SGCD: variants seen among roughly 807,000 people sequenced by gnomAD.
SGCD encodes sarcoglycan delta, also known as delta-sarcoglycan.
A neutral mutation model predicts 36.6 loss-of-function variants in SGCD; 18 were observed. The ratio of observed to expected loss-of-function variants is 0.49; its 90% CI spans 0.34 to 0.73. The LOEUF is 0.73. Ranked by LOEUF, SGCD falls within the 30% of genes least tolerant of loss-of-function variation. The pLI is 0.01. For synonymous variants in SGCD, 133 were observed against 130.6 expected, an observed-to-expected ratio of 1.02 and a Z score of -0.12; for missense variants, 387 against 346.7, an observed-to-expected ratio of 1.12 and a Z score of -0.92.
the SGCD span, among the ~76,000 whole-genome samples, chr5:155,800,623 G>A: frequency 2.0e-5 from 3 of 151,706 alleles, no homozygotes; most frequent in African/African-American, 4.8e-5. Flanking sequence ...AGATTTTACC[G>A]GAATGTGGCT....
intron 1 of SGCD, among the ~76,000 whole-genome samples, chr5:156,072,115 A>C (rs1174979235): frequency 6.6e-6 from 1 of 152,024 alleles, no homozygotes; most frequent in Non-Finnish European, 1.5e-5. Flanking sequence ...TAATTGGAGC[A>C]TTTAGTCCAT....
chr5:156,531,612 T>C (rs748287140), intron 4 of SGCD, among the ~76,000 whole-genome samples: 7 of 152,178 alleles, frequency 4.6e-5, no homozygotes, highest in Non-Finnish European at 1.0e-4. Flanking sequence ...ATTGATTATA[T>C]GGTAAAGCTG....
At chr5:156,285,431 C>T (rs1038845860) in intron 3 of SGCD, among the ~76,000 whole-genome samples, 13 of 152,142 alleles carry the variant, frequency 8.5e-5, no homozygotes, top group Admixed American at 3.3e-4. Context: ...CAATACTACA[C>T]GGCTACAGTA....
intron 3 of SGCD, among the ~76,000 whole-genome samples, chr5:156,126,929 G>A (rs1762186091): frequency 6.6e-6 from 1 of 152,136 alleles, no homozygotes; most frequent in Non-Finnish European, 1.5e-5. Context: ...AAACTTCTTG[G>A]AGAAAGGTCC....
chr5:156,027,335 T>C (rs4704934), intron 1 of SGCD, among the ~76,000 whole-genome samples: 29,518 of 152,056 alleles, frequency 0.19, 3,585 homozygotes, highest in Admixed American at 0.35. Flanking sequence ...AACAACTTGG[T>C]ATGAAGAAAG....
chr5:156,423,446 TTTA>T (rs1236479386), intron 3 of SGCD, among the ~76,000 whole-genome samples: 3 of 128,240 alleles, frequency 2.3e-5, no homozygotes, highest in South Asian at 2.2e-4. Context: ...ATATATTTAT[TTTA>T]TTATAATATA....
chr5:155,752,266 A>G, the SGCD span, among the ~76,000 whole-genome samples: 1 of 152,194 alleles, frequency 6.6e-6, no homozygotes, highest in African/African-American at 2.4e-5. Flanking sequence ...TGCATGCTAG[A>G]ACTCTTCCAA....
chr5:155,900,593 G>T (rs201801052), intron 1 of SGCD, among the ~76,000 whole-genome samples: 14 of 84,644 alleles, frequency 1.7e-4, no homozygotes, highest in East Asian at 3.4e-4. Flanking sequence ...CTCCACAACA[G>T]TCCCCAGAGT....
At chr5:156,374,149 C>CA (rs34872468) in intron 3 of SGCD, among the ~76,000 whole-genome samples, 4,612 of 140,662 alleles carry the variant, frequency 0.033, 177 homozygotes, top group African/African-American at 0.093. Flanking sequence ...GTTCAAAATA[C>CA]AAAAAAAAAA....
At chr5:156,111,934 A>T (rs1761797916) in intron 1 of SGCD, among the ~76,000 whole-genome samples, 1 of 152,102 alleles carries the variant, frequency 6.6e-6, no homozygotes, top group South Asian at 2.1e-4. Flanking sequence ...ACGTGCTGCC[A>T]TGCCCAGCTA....
intron 7 of SGCD, among the ~76,000 whole-genome samples, chr5:156,728,376 G>A (rs1490935298): frequency 6.6e-6 from 1 of 151,816 alleles, no homozygotes; most frequent in Non-Finnish European, 1.5e-5. Flanking sequence ...GCCGAGTGTG[G>A]TGGCAATGCC....
chr5:156,706,398 G>A (rs1375577783), intron 7 of SGCD, among the ~76,000 whole-genome samples: 1 of 151,964 alleles, frequency 6.6e-6, no homozygotes, highest in African/African-American at 2.4e-5. Flanking sequence ...CCTGATTTTT[G>A]ATCATTGGTC....
At chr5:156,691,013 C>T (rs1754084900) in intron 7 of SGCD, among the ~76,000 whole-genome samples, 1 of 151,870 alleles carries the variant, frequency 6.6e-6, no homozygotes, top group Non-Finnish European at 1.5e-5. Context: ...TCAAGACCAA[C>T]CTGGCCAACA....
chr5:156,006,958 T>C (rs867572901), intron 1 of SGCD, among the ~76,000 whole-genome samples: 1 of 152,216 alleles, frequency 6.6e-6, no homozygotes, highest in Middle Eastern at 3.2e-3. Context: ...TTTTCTTTTC[T>C]GTTTCTGCTC....
intron 1 of SGCD, among the ~76,000 whole-genome samples, chr5:156,097,230 G>A (rs1467243197): frequency 1.3e-5 from 2 of 151,814 alleles, no homozygotes; most frequent in Non-Finnish European, 1.5e-5. Context: ...TCATAGATCT[G>A]TAGTTTGTAT....
Position 156,001,683 on chromosome 5 carries a change from G to T in SGCD, c.-281-116195G>T, listed in dbSNP as rs189291368. ...TTCTATTAGATAAATGCGTTTTTTT[G>T]GCCAGAGAAATTACATTTTAAGTGA... On this transcript the variant is annotated intron_variant, in intron 1 of 9. Coordinates refer to the SGCD transcript ENST00000517913. Among the ~76,000 whole-genome samples, 63 of 152,062 alleles carry T rather than the reference G, an allele frequency of 4.1e-4. 1 individual carries two copies. The highest frequency in any genetic ancestry group is 1.5e-3 in the African/African-American group (61 of 41,500).
chr5:155,728,504 C>G, the SGCD span, among the ~76,000 whole-genome samples: 1 of 152,218 alleles, frequency 6.6e-6, no homozygotes, highest in Non-Finnish European at 1.5e-5. Flanking sequence ...AAGGGACACC[C>G]ACAGCCTGGA....
At chr5:155,875,459 T>G (rs1755744956) in intron 1 of SGCD, among the ~76,000 whole-genome samples, 1 of 152,284 alleles carries the variant, frequency 6.6e-6, no homozygotes, top group African/African-American at 2.4e-5. Context: ...ATGAATACTT[T>G]GCAGAGCATT....
intron 1 of SGCD, among the ~76,000 whole-genome samples, chr5:155,980,746 G>T (rs1366551044): frequency 6.6e-6 from 1 of 151,400 alleles, no homozygotes; most frequent in Non-Finnish European, 1.5e-5. Context: ...TTTAAAAGGC[G>T]ATGTTAAACA....
Sources: gnomAD v4.1 joint callset for allele counts (sites outside exome capture counted in the v4.1 genomes callset) on GRCh38, gnomAD v4.1.1 for gene constraint, MANE v1.5 for transcripts, NCBI Gene and HGNC (gene_info 2026-07-23, HGNC 2026-07-21) for gene names.